The following NBEA variants were observed in gnomAD, a reference collection of about 807,000 sequenced individuals.
NBEA encodes neurobeachin, also known as lysosomal-trafficking regulator 2.
NBEA carries 44 observed loss-of-function variants against 343.4 expected under a neutral mutation model. The observed-to-expected ratio is 0.13, with a 90% CI of 0.10 to 0.16. NBEA has a LOEUF of 0.16. Ranked by LOEUF, NBEA falls within the 10% of genes least tolerant of loss-of-function variation. The probability of loss-of-function intolerance (pLI) is 1.00; values close to 1 mark genes in which losing one functional copy is unlikely to be tolerated. For missense variants in NBEA, 2,555 were observed against 3,631.3 expected (o/e 0.70, Z 7.62); for synonymous variants, 1,175 against 1,238.7 (o/e 0.95, Z 1.08).
chr13:35,189,069 C>A (rs1593671127), intron 30 of NBEA, among the ~76,000 whole-genome samples: 1 of 151,742 alleles, frequency 6.6e-6, no homozygotes, highest in South Asian at 2.1e-4. Context: ...CAGGCACGCC[C>A]CACCATGCTG....
intron 50 of NBEA, 56 bp downstream of exon 50, chr13:35,645,987 G>A: frequency 9.0e-7 from 1 of 1,117,212 alleles, no homozygotes; most frequent in Non-Finnish European, 1.3e-6. Flanking sequence ...CTGCATGCAT[G>A]TATTCACAGG....
chr13:35,522,864 C>T lies in NBEA; in HGVS notation c.6586-27613C>T, dbSNP rs74042321. 2.8e-3 allele frequency among the ~76,000 whole-genome samples: 430 copies of T among 152,020 alleles called. 1 individual carries two copies. The highest frequency in any genetic ancestry group is 9.7e-3 in the African/African-American group (404 of 41,450). On this transcript the variant is annotated intron_variant, in intron 41 of 58. Coordinates refer to ENST00000379939, the MANE Select transcript of NBEA (RefSeq NM_001385012.1). ...CACCCCACCCCCTCACCCCCTGGTC[C>T]GTGAAAGATTGTCTTCCGTGGAACG...
chr13:35,118,032 T>C (rs2066593869), intron 14 of NBEA, among the ~76,000 whole-genome samples, 196 bp from the exon 15 acceptor site: 1 of 151,984 alleles, frequency 6.6e-6, no homozygotes, highest in Admixed American at 6.6e-5. Context: ...CTTTTAAAAA[T>C]TGATATAATT....
intron 7 of NBEA, among the ~76,000 whole-genome samples, chr13:35,057,363 ACCCT>A (rs933161812): frequency 2.6e-5 from 4 of 152,000 alleles, no homozygotes; most frequent in African/African-American, 9.7e-5. Context: ...GCCAAATCTG[ACCCT>A]CCCCCTGTTT....
At chr13:35,141,144 A>G (rs1022333575) in intron 17 of NBEA, among the ~76,000 whole-genome samples, 7 of 152,252 alleles carry the variant, frequency 4.6e-5, no homozygotes, top group Non-Finnish European at 8.8e-5. Flanking sequence ...GAAAGGAACC[A>G]GAGTTTAGTG....
chr13:34,954,224 A>G (rs1345687223), intron 1 of NBEA, among the ~76,000 whole-genome samples: 1 of 152,152 alleles, frequency 6.6e-6, no homozygotes, highest in Admixed American at 6.5e-5. Flanking sequence ...GGAACTTGGG[A>G]ATCTATGGAT....
intron 35 of NBEA, among the ~76,000 whole-genome samples, chr13:35,295,897 T>C (rs1195852182): frequency 6.6e-6 from 1 of 152,188 alleles, no homozygotes; most frequent in African/African-American, 2.4e-5. Context: ...TTTTTAAAAC[T>C]CTTAGAGAAG....
At chr13:35,607,409 A>G (rs1208601578) in intron 48 of NBEA, among the ~76,000 whole-genome samples, 1 of 152,164 alleles carries the variant, frequency 6.6e-6, no homozygotes, top group Non-Finnish European at 1.5e-5. Flanking sequence ...TGGGAATTTG[A>G]TGGGTTTTAA....
At chr13:35,248,398 C>G (rs1382185431) in intron 34 of NBEA, among the ~76,000 whole-genome samples, 8 of 152,034 alleles carry the variant, frequency 5.3e-5, no homozygotes, top group African/African-American at 1.7e-4. Context: ...GGAAAAAAAG[C>G]CCTCTTAAAA....
At chr13:35,052,311 C>CACTTAACTGTACCACTTA (rs1364855882) in intron 6 of NBEA, among the ~76,000 whole-genome samples, 2 of 151,946 alleles carry the variant, frequency 1.3e-5, no homozygotes, top group Non-Finnish European at 2.9e-5. Flanking sequence ...TTTGCTTTCC[C>CACTTAACTGTACCACTTA]AGCTGTACCA....
At chr13:35,008,480 AG>A (rs2061384846) in intron 1 of NBEA, among the ~76,000 whole-genome samples, 1 of 152,228 alleles carries the variant, frequency 6.6e-6, no homozygotes, top group Non-Finnish European at 1.5e-5. Context: ...AATAGTGACT[AG>A]AAAAATGTTT....
chr13:35,132,769 G>A (rs1334298124), intron 17 of NBEA, among the ~76,000 whole-genome samples: 4 of 152,122 alleles, frequency 2.6e-5, no homozygotes, highest in African/African-American at 9.7e-5. Context: ...GAACTGTTGA[G>A]GATGATAAAA....
intron 17 of NBEA, among the ~76,000 whole-genome samples, chr13:35,135,773 C>CTA (rs149532873): frequency 0.014 from 2,035 of 150,528 alleles, 47 homozygotes; most frequent in African/African-American, 0.046. Flanking sequence ...ACGTGTATAT[C>CTA]TATATATATA....
At chr13:35,086,199 T>C (rs1379378015) in intron 10 of NBEA, among the ~76,000 whole-genome samples, 1 of 152,058 alleles carries the variant, frequency 6.6e-6, no homozygotes, top group East Asian at 1.9e-4. Flanking sequence ...AAGCTACCAA[T>C]GACTTTCTTC....
At chr13:35,535,887 G>A (rs2078515589) in intron 41 of NBEA, among the ~76,000 whole-genome samples, 1 of 152,146 alleles carries the variant, frequency 6.6e-6, no homozygotes, top group Non-Finnish European at 1.5e-5. Context: ...TAGGATGAGG[G>A]AATGTGGCAA....
At chr13:34,967,191 A>C (rs2059848433) in intron 1 of NBEA, among the ~76,000 whole-genome samples, 1 of 151,894 alleles carries the variant, frequency 6.6e-6, no homozygotes, top group Non-Finnish European at 1.5e-5. Context: ...CTTGGATTCT[A>C]ATCGTGTCTT....
At chr13:34,945,634 A>G (rs1481400792) in intron 1 of NBEA, among the ~76,000 whole-genome samples, 2 of 152,144 alleles carry the variant, frequency 1.3e-5, no homozygotes, top group Non-Finnish European at 2.9e-5. Context: ...TGAAATACCT[A>G]TTACTGTGCC....
At chr13:35,491,208 C>T (rs1212019376) in intron 41 of NBEA, among the ~76,000 whole-genome samples, 1 of 151,814 alleles carries the variant, frequency 6.6e-6, no homozygotes, top group East Asian at 1.9e-4. Context: ...CTGTACTTCC[C>T]AGTGGAAGAT....
intron 48 of NBEA, among the ~76,000 whole-genome samples, chr13:35,613,025 C>T (rs185584887): frequency 6.6e-6 from 1 of 151,064 alleles, no homozygotes; most frequent in East Asian, 1.9e-4. Flanking sequence ...ATATCCATCA[C>T]CTCAAATATT....
Sources: gnomAD v4.1 joint callset for allele counts (sites outside exome capture counted in the v4.1 genomes callset) on GRCh38, gnomAD v4.1.1 for gene constraint, MANE v1.5 for transcripts, NCBI Gene and HGNC (gene_info 2026-07-23, HGNC 2026-07-21) for gene names.